Variants in EXOC6B observed in about 807,000 individuals in gnomAD.
EXOC6B encodes SEC15 homolog B.
In EXOC6B, 54 loss-of-function variants were observed where a neutral mutation model predicts 113.5. That is an observed-to-expected ratio of 0.48 (90% CI 0.38 to 0.60). The LOEUF (loss-of-function observed/expected upper bound fraction) is 0.60, where lower values mean the gene tolerates loss of function less well. Ranked by LOEUF, EXOC6B falls within the 20% of genes least tolerant of loss-of-function variation. EXOC6B has a pLI of 0.00. For synonymous variants in EXOC6B, 357 were observed against 339.0 expected (o/e 1.05, Z -0.58); for missense variants, 797 against 977.5 (o/e 0.82, Z 2.46).
At chr2:72,757,993 C>G (rs1382496355) in intron 1 of EXOC6B, among the ~76,000 whole-genome samples, 2 of 151,784 alleles carry the variant, frequency 1.3e-5, no homozygotes, top group Non-Finnish European at 2.9e-5. Flanking sequence ...AGATCCCAAT[C>G]TCTACAAAAG....
Position 72,354,727 on chromosome 2 carries a change from A to G in EXOC6B, c.2123-19707T>C, listed in dbSNP as rs183830917. 5.3e-5 allele frequency among the ~76,000 whole-genome samples: 8 copies of G among 152,328 alleles called. No homozygotes were observed. In the East Asian group the frequency reaches 1.5e-3, roughly 29 times the overall value. ...CATCATCTGTAGTCAAAAAGAAGTG[A>G]CATTGCCATTTGAATGGCCAGGAGG... On this transcript the variant is annotated intron_variant, in intron 19 of 21. Coordinates refer to ENST00000272427, the MANE Select transcript of EXOC6B (RefSeq NM_015189.3).
At chr2:72,742,783 C>T (rs1475177518) in intron 1 of EXOC6B, among the ~76,000 whole-genome samples, 4 of 152,098 alleles carry the variant, frequency 2.6e-5, no homozygotes, top group Non-Finnish European at 4.4e-5. Context: ...TCTCATTAAG[C>T]GAAGCCATCT....
At chr2:72,816,334 A>T (rs1033745929) in intron 1 of EXOC6B, among the ~76,000 whole-genome samples, 2 of 151,976 alleles carry the variant, frequency 1.3e-5, no homozygotes, top group East Asian at 1.9e-4. Context: ...GTAGCTATTT[A>T]AAAAAAATAA....
rs965989863 is a variant in EXOC6B, at chr2:72,612,553, T to C, written c.670-36885A>G. Among the ~76,000 whole-genome samples, 6 of 152,316 alleles carry C rather than the reference T, an allele frequency of 3.9e-5. No individual in the cohort carries two copies. In the East Asian group the frequency reaches 1.2e-3, roughly 29 times the overall value. On this transcript the variant is annotated intron_variant, in intron 6 of 21. Transcript: ENST00000272427. ...AGTCATCAGGTGAGGTTTCTACGAA[T>C]GCTCTTCAAAAGGGGAAAGACAACT...
intron 1 of EXOC6B, among the ~76,000 whole-genome samples, chr2:72,772,614 C>G (rs1312209524): frequency 6.6e-6 from 1 of 152,034 alleles, no homozygotes; most frequent in Non-Finnish European, 1.5e-5. Context: ...GAATCCAGGC[C>G]CACACACCCA....
chr2:72,334,875 T>C, intron 20 of EXOC6B, 72 bp downstream of exon 20: 1 of 1,453,268 alleles, frequency 6.9e-7, no homozygotes, highest in South Asian at 1.1e-5. Context: ...CCTTCCCCTT[T>C]TCCTTAAGAC....
chr2:72,685,104 T>G (rs1026731216), intron 6 of EXOC6B, among the ~76,000 whole-genome samples: 1 of 152,074 alleles, frequency 6.6e-6, no homozygotes, highest in African/African-American at 2.4e-5. Context: ...ATGTGATGGG[T>G]TGATGGATAA....
At chr2:72,558,775 G>GA (rs796774645) in intron 8 of EXOC6B, among the ~76,000 whole-genome samples, 28 of 140,724 alleles carry the variant, frequency 2.0e-4, no homozygotes, top group African/African-American at 2.4e-4. Context: ...GTCTCAAAAA[G>GA]AAAAAAAAAA....
intron 20 of EXOC6B, among the ~76,000 whole-genome samples, chr2:72,293,811 C>T (rs1685957083): frequency 1.3e-5 from 2 of 151,778 alleles, no homozygotes; most frequent in African/African-American, 4.8e-5. Flanking sequence ...TAGACAAGAC[C>T]GTAGTGAATC....
At chr2:72,387,074 T>A (rs1573009154) in intron 18 of EXOC6B, among the ~76,000 whole-genome samples, 1 of 152,168 alleles carries the variant, frequency 6.6e-6, no homozygotes, top group Admixed American at 6.5e-5. Flanking sequence ...GCTGACAGAA[T>A]TTTATTTTTC....
At chr2:72,775,000 T>G (rs1683614714) in intron 1 of EXOC6B, among the ~76,000 whole-genome samples, 1 of 152,064 alleles carries the variant, frequency 6.6e-6, no homozygotes. Flanking sequence ...AAGGTATAAC[T>G]CAGGAGAATC....
chr2:72,389,195 C>T (rs1395155954), intron 18 of EXOC6B, among the ~76,000 whole-genome samples: 2 of 151,812 alleles, frequency 1.3e-5, no homozygotes, highest in Admixed American at 1.3e-4. Context: ...TATTTTATTT[C>T]CACTTTTGAC....
chr2:72,461,932 T>C (rs539895371), intron 18 of EXOC6B: 1 of 152,154 alleles, frequency 6.6e-6, no homozygotes, highest in South Asian at 2.1e-4. Flanking sequence ...ATTAATAGAG[T>C]TACAAATTAT....
chr2:72,302,794 C>T (rs1686612322), intron 20 of EXOC6B, among the ~76,000 whole-genome samples: 1 of 151,810 alleles, frequency 6.6e-6, no homozygotes, highest in Non-Finnish European at 1.5e-5. Context: ...CTTGCCACTC[C>T]GTGCCTTTAA....
At chr2:72,408,715 T>C (rs1693962142) in intron 18 of EXOC6B, among the ~76,000 whole-genome samples, 1 of 152,108 alleles carries the variant, frequency 6.6e-6, no homozygotes, top group African/African-American at 2.4e-5. Context: ...AAAAATTAAG[T>C]TAAGATGGAT....
At chr2:72,706,554 T>C (rs1437240955) in intron 6 of EXOC6B, among the ~76,000 whole-genome samples, 1 of 152,208 alleles carries the variant, frequency 6.6e-6, no homozygotes, top group East Asian at 1.9e-4. Context: ...TTTTTGTTTT[T>C]TTTAGAGACA....
chr2:72,586,581 T>C (rs1573443140), intron 6 of EXOC6B, among the ~76,000 whole-genome samples: 2 of 151,664 alleles, frequency 1.3e-5, no homozygotes, highest in Non-Finnish European at 2.9e-5. Context: ...TGAAACCCCG[T>C]CTCTATAAAA....
chr2:72,277,235 A>T (rs1001461042), intron 20 of EXOC6B, among the ~76,000 whole-genome samples: 5 of 152,150 alleles, frequency 3.3e-5, no homozygotes, highest in Admixed American at 2.0e-4. Context: ...TAAATTTTAT[A>T]AAAAAGTCCA....
rs1033820833 is a variant in EXOC6B at position 72,176,247 on chromosome 2, G to C, written c.*3088C>G. 12 of 146,848 alleles carry C rather than the reference G, an allele frequency of 8.2e-5. No homozygotes were observed. Among genetic ancestry groups the C allele is most frequent in the African/African-American group, 3.0e-4 (12 of 39,688 alleles). 9.1% of individuals were successfully genotyped at this position (146,848 alleles called of 1,614,324 possible). A position where few individuals can be genotyped will look rare whatever the true frequency, so the allele number is the denominator to read the frequency against. ...TCCAACACCTTTGTGAAAAGTAATT[G>C]TGAATGCAGGCAAAAAAAAAAAAAA... On this transcript the variant is annotated 3_prime_UTR_variant, in exon 22 of 22. Coordinates refer to ENST00000272427, the MANE Select transcript of EXOC6B (RefSeq NM_015189.3).
Sources: gnomAD v4.1 joint callset for allele counts (sites outside exome capture counted in the v4.1 genomes callset) on GRCh38, gnomAD v4.1.1 for gene constraint, MANE v1.5 for transcripts, NCBI Gene and HGNC (gene_info 2026-07-23, HGNC 2026-07-21) for gene names.